DLGAP2: variants seen among roughly 807,000 people sequenced by gnomAD.
DLGAP2 encodes the protein disks large-associated protein 2.
In DLGAP2, 26 loss-of-function variants were observed where a neutral mutation model predicts 100.3. The observed-to-expected ratio is 0.26, with a 90% CI of 0.19 to 0.36. DLGAP2 has a LOEUF of 0.36. Among genes scored for constraint, DLGAP2 ranks in the 10% least tolerant of loss-of-function variants. DLGAP2 has a pLI of 1.00. For missense variants in DLGAP2, 1,858 were observed against 1,453.2 expected, an observed-to-expected ratio of 1.28 and a Z score of -4.53; for synonymous variants, 886 against 630.1, an observed-to-expected ratio of 1.41 and a Z score of -6.08.
At position 924,497 on chromosome 8, in the gene DLGAP2, G is replaced by T. The variant is rs528233422; in HGVS notation, c.73+16531G>T. Among the ~76,000 whole-genome samples, 80 of 152,276 alleles carry T rather than the reference G, an allele frequency of 5.3e-4. 2 individuals carry two copies. The South Asian group carries it at 0.016, about 30-fold the overall frequency. ...GGTGAAGTTTAGTGCTGGCCTTGCC[G>T]AGGTGCAGGACGTGAATTTACAGAG... is the stretch of plus-strand genomic sequence containing the variant. On this transcript the variant is annotated intron_variant, in intron 2 of 14. Transcript: ENST00000637795.
intron 2 of DLGAP2, among the ~76,000 whole-genome samples, chr8:1,258,022 G>T (rs73533772): frequency 0.047 from 7,131 of 152,292 alleles, 589 homozygotes; most frequent in African/African-American, 0.16. Flanking sequence ...CAGCTTCCTT[G>T]TGTGAGGATC....
chr8:1,405,450 A>T (rs1449018501), intron 3 of DLGAP2, among the ~76,000 whole-genome samples: 4 of 4,728 alleles, frequency 8.5e-4, no homozygotes, highest in African/African-American at 2.3e-3. Flanking sequence ...TGAGTCGTGT[A>T]TTGAGTGCTT....
chr8:1,199,643 A>G (rs1797827199), intron 2 of DLGAP2, among the ~76,000 whole-genome samples: 1 of 152,124 alleles, frequency 6.6e-6, no homozygotes, highest in African/African-American at 2.4e-5. Context: ...TAGAAAGTGA[A>G]TGCTGTCCTT....
intron 2 of DLGAP2, among the ~76,000 whole-genome samples, chr8:1,031,458 C>T (rs558198381): frequency 6.6e-6 from 1 of 152,098 alleles, no homozygotes; most frequent in Admixed American, 6.5e-5. Context: ...GTCACCCAAG[C>T]TGTGGTGCAG....
rs111316648 is a variant in DLGAP2, at chr8:1,097,728, G to A, written c.74-161123G>A. ...GTGAGACCCAGCTCCCTCTGCTCAG[G>A]AGAGTCGAGCTGGGAGCCTAGGGCA... On this transcript the variant is annotated intron_variant, in intron 2 of 14. Coordinates refer to ENST00000637795, the MANE Select transcript of DLGAP2 (RefSeq NM_001346810.2). 6.0e-4 allele frequency among the ~76,000 whole-genome samples: 78 copies of A among 130,158 alleles called. 4 individuals are homozygous for A. Among genetic ancestry groups the A allele is most frequent in the African/African-American group, 2.4e-3 (78 of 32,462 alleles). The allele number at this position is 130,158 out of a possible 152,430, so 85.4% of individuals were successfully genotyped here.
intron 3 of DLGAP2, among the ~76,000 whole-genome samples, chr8:1,282,456 C>G (rs1467890970): frequency 7.9e-6 from 1 of 126,352 alleles, no homozygotes; most frequent in African/African-American, 2.8e-5. Flanking sequence ...GAACCCAGCA[C>G]ATGAACCATC....
At chr8:1,570,430 T>C (rs1217021209) in intron 6 of DLGAP2, among the ~76,000 whole-genome samples, 2 of 152,262 alleles carry the variant, frequency 1.3e-5, no homozygotes, top group Admixed American at 6.5e-5. Flanking sequence ...TTTTAACGTG[T>C]AGCAGGTGAA....
chr8:1,496,367 C>CT (rs376886460), intron 3 of DLGAP2, among the ~76,000 whole-genome samples: 1 of 152,248 alleles, frequency 6.6e-6, no homozygotes, highest in East Asian at 1.9e-4. Flanking sequence ...CCTCTGTCCT[C>CT]TGAGTATGCG....
At chr8:1,219,136 G>A (rs1034001360) in intron 2 of DLGAP2, among the ~76,000 whole-genome samples, 1 of 152,108 alleles carries the variant, frequency 6.6e-6, no homozygotes, top group African/African-American at 2.4e-5. Context: ...TGACTGCTCT[G>A]GCAAGGACTT....
intron 2 of DLGAP2, among the ~76,000 whole-genome samples, chr8:980,631 A>G (rs1800304458): frequency 6.6e-6 from 1 of 152,176 alleles, no homozygotes; most frequent in Non-Finnish European, 1.5e-5. Context: ...AGGTGAATCC[A>G]GGTGGGCAGG....
chr8:1,179,192 A>G (rs1463246), intron 2 of DLGAP2, among the ~76,000 whole-genome samples: 89,349 of 152,178 alleles, frequency 0.59, 26,458 homozygotes, highest in Admixed American at 0.67. Context: ...AGTAAATGGC[A>G]AAGCCTGTTG....
chr8:1,077,414 G>A (rs552705929), intron 2 of DLGAP2, among the ~76,000 whole-genome samples: 1 of 152,330 alleles, frequency 6.6e-6, no homozygotes, highest in African/African-American at 2.4e-5. Flanking sequence ...CAGGAGCAGA[G>A]GGGCGGTGGT....
At chr8:1,618,747 C>G (rs936400747) in intron 6 of DLGAP2, among the ~76,000 whole-genome samples, 2 of 152,136 alleles carry the variant, frequency 1.3e-5, no homozygotes, top group Non-Finnish European at 1.5e-5. Context: ...ACAATTGTCT[C>G]TCATTGGGGG....
chr8:1,499,840 A>C (rs1024492948), intron 3 of DLGAP2, among the ~76,000 whole-genome samples: 5 of 152,164 alleles, frequency 3.3e-5, no homozygotes, highest in Non-Finnish European at 5.9e-5. Flanking sequence ...TCCTTTCCCA[A>C]ACCTCTACGA....
At chr8:1,253,309 G>C (rs1050397754) in intron 2 of DLGAP2, among the ~76,000 whole-genome samples, 5 of 152,150 alleles carry the variant, frequency 3.3e-5, no homozygotes, top group Non-Finnish European at 7.3e-5. Flanking sequence ...CAGGAGAGCT[G>C]CCAGGGCCCC....
At chr8:1,551,408 G>A (rs1170741355) in intron 5 of DLGAP2, among the ~76,000 whole-genome samples, 1 of 152,132 alleles carries the variant, frequency 6.6e-6, no homozygotes, top group Non-Finnish European at 1.5e-5. Context: ...GAGCCTCCAG[G>A]TTTTGCCCCA....
intron 2 of DLGAP2, among the ~76,000 whole-genome samples, chr8:999,007 G>C (rs4735962): frequency 0.4 from 61,314 of 151,908 alleles, 12,688 homozygotes; most frequent in African/African-American, 0.43. Flanking sequence ...ATCCTGAGAT[G>C]AACATTGCTG....
intron 3 of DLGAP2, among the ~76,000 whole-genome samples, chr8:1,497,352 G>A (rs1303440032): frequency 6.6e-6 from 1 of 152,192 alleles, no homozygotes; most frequent in African/African-American, 2.4e-5. Flanking sequence ...TTGGACCATG[G>A]GAAGTAAAGA....
intron 3 of DLGAP2, among the ~76,000 whole-genome samples, chr8:1,491,992 G>A (rs982989992): frequency 2.0e-5 from 3 of 152,196 alleles, no homozygotes; most frequent in African/African-American, 7.2e-5. Context: ...GCTGTCGTGC[G>A]CCTTTGCAGC....
Sources: gnomAD v4.1 joint callset for allele counts (sites outside exome capture counted in the v4.1 genomes callset) on GRCh38, gnomAD v4.1.1 for gene constraint, MANE v1.5 for transcripts, NCBI Gene and HGNC (gene_info 2026-07-23, HGNC 2026-07-21) for gene names.